SLC25A21: variants seen among roughly 807,000 people sequenced by gnomAD.
The protein encoded by SLC25A21 is solute carrier family 25 member 21.
In SLC25A21, 47 loss-of-function variants were observed where a neutral mutation model predicts 43.8. The ratio of observed to expected loss-of-function variants is 1.07; its 90% CI spans 0.85 to 1.37. The LOEUF (loss-of-function observed/expected upper bound fraction) is 1.37. Among genes scored for constraint, SLC25A21 ranks in the 40% most tolerant of loss-of-function variants. SLC25A21 has a pLI of 0.00. For synonymous variants in SLC25A21, 131 were observed against 121.3 expected, an observed-to-expected ratio of 1.08 and a Z score of -0.52; for missense variants, 352 against 350.2, an observed-to-expected ratio of 1.00 and a Z score of -0.04.
chr14:36,983,108 G>T (rs1307689936), intron 1 of SLC25A21, among the ~76,000 whole-genome samples: 1 of 152,070 alleles, frequency 6.6e-6, no homozygotes, highest in East Asian at 1.9e-4. Flanking sequence ...TTTTTAAAAA[G>T]AAAAGTTACT....
chr14:36,949,285 C>T (rs568877132), intron 1 of SLC25A21, among the ~76,000 whole-genome samples: 57 of 152,192 alleles, frequency 3.7e-4, no homozygotes, highest in Non-Finnish European at 7.3e-4. Flanking sequence ...ATGTAATCAT[C>T]TTCATTCTCC....
chr14:37,019,713 T>C (rs1273773998), intron 1 of SLC25A21, among the ~76,000 whole-genome samples: 1 of 151,732 alleles, frequency 6.6e-6, no homozygotes, highest in Non-Finnish European at 1.5e-5. Context: ...CGAGAGGTAT[T>C]TGGGGCCTAA....
intron 1 of SLC25A21, among the ~76,000 whole-genome samples, chr14:37,018,975 A>AGTTTGAAC (rs966047025): frequency 6.6e-6 from 1 of 152,018 alleles, no homozygotes; most frequent in Admixed American, 6.6e-5. Context: ...CAGGATCTAC[A>AGTTTGAAC]GTTTGAACGT....
At chr14:37,120,938 G>T (rs569514486) in intron 1 of SLC25A21, among the ~76,000 whole-genome samples, 2 of 152,332 alleles carry the variant, frequency 1.3e-5, no homozygotes, top group East Asian at 3.9e-4. Flanking sequence ...AATTGAGAGA[G>T]CTGTTGTGGA....
At chr14:37,077,160 G>A (rs990788459) in intron 1 of SLC25A21, among the ~76,000 whole-genome samples, 1 of 152,076 alleles carries the variant, frequency 6.6e-6, no homozygotes, top group Non-Finnish European at 1.5e-5. Context: ...CTTGCACCAC[G>A]CTGAGATATC....
intron 1 of SLC25A21, among the ~76,000 whole-genome samples, chr14:37,142,185 A>G (rs894296897): frequency 3.3e-5 from 5 of 152,148 alleles, no homozygotes; most frequent in African/African-American, 1.2e-4. Flanking sequence ...CCTTATGGAG[A>G]AAGATTCTGT....
At chr14:36,813,359 C>T (rs564910865) in intron 3 of SLC25A21, among the ~76,000 whole-genome samples, 9 of 112,682 alleles carry the variant, frequency 8.0e-5, no homozygotes, top group East Asian at 4.2e-4. Context: ...ATTAATCGGA[C>T]GCATCAATTT....
At chr14:36,892,329 G>C (rs901228001) in intron 1 of SLC25A21, among the ~76,000 whole-genome samples, 1 of 152,104 alleles carries the variant, frequency 6.6e-6, no homozygotes, top group Non-Finnish European at 1.5e-5. Flanking sequence ...TTCATTCTGA[G>C]AGAGATATAT....
At chr14:36,690,123 C>G (rs997671691) in intron 7 of SLC25A21, among the ~76,000 whole-genome samples, 3 of 152,158 alleles carry the variant, frequency 2.0e-5, no homozygotes, top group Non-Finnish European at 2.9e-5. Context: ...TTGAGTGGGT[C>G]ATTGTGTACT....
At chr14:36,868,785 C>A (rs1259625310) in intron 2 of SLC25A21, among the ~76,000 whole-genome samples, 1 of 152,216 alleles carries the variant, frequency 6.6e-6, no homozygotes, top group African/African-American at 2.4e-5. Flanking sequence ...AAGGGGCTGA[C>A]CTCTGCAAGC....
chr14:36,880,318 T>C (rs2138565747), intron 1 of SLC25A21, among the ~76,000 whole-genome samples: 1 of 152,234 alleles, frequency 6.6e-6, no homozygotes, highest in African/African-American at 2.4e-5. Context: ...AAGACAGACA[T>C]AGTGGAGTTC....
chr14:36,827,871 A>T (rs1566653118), intron 2 of SLC25A21, among the ~76,000 whole-genome samples: 2 of 152,250 alleles, frequency 1.3e-5, no homozygotes. Flanking sequence ...ACAGTTGAAG[A>T]TACCACAGTT....
At chr14:36,785,958 G>A (rs1399693658) in intron 3 of SLC25A21, among the ~76,000 whole-genome samples, 1 of 152,324 alleles carries the variant, frequency 6.6e-6, no homozygotes, top group East Asian at 1.9e-4. Flanking sequence ...GCTTTGATAA[G>A]TGAAGCATTT....
intron 7 of SLC25A21, among the ~76,000 whole-genome samples, chr14:36,693,862 T>C (rs1882896833): frequency 6.6e-6 from 1 of 152,184 alleles, no homozygotes; most frequent in Non-Finnish European, 1.5e-5. Context: ...TAGGCTGGTC[T>C]TTAAATGAAT....
chr14:36,705,117 T>C (rs1883455106), intron 7 of SLC25A21, among the ~76,000 whole-genome samples: 1 of 152,118 alleles, frequency 6.6e-6, no homozygotes, highest in East Asian at 1.9e-4. Context: ...CTCTGCTCAC[T>C]GCAAGCTCCG....
At chr14:36,955,198 G>A (rs945190398) in intron 1 of SLC25A21, among the ~76,000 whole-genome samples, 3 of 152,064 alleles carry the variant, frequency 2.0e-5, no homozygotes, top group Non-Finnish European at 2.9e-5. Flanking sequence ...AACTAAAGAT[G>A]GACATGGTAA....
chr14:36,846,201 G>C (rs1049722949), intron 2 of SLC25A21, among the ~76,000 whole-genome samples: 1 of 152,090 alleles, frequency 6.6e-6, no homozygotes, highest in Non-Finnish European at 1.5e-5. Context: ...CTACTTTCTA[G>C]TTGAGAAAGA....
At chr14:37,140,182 T>G (rs1963547159) in intron 1 of SLC25A21, among the ~76,000 whole-genome samples, 1 of 152,190 alleles carries the variant, frequency 6.6e-6, no homozygotes, top group Non-Finnish European at 1.5e-5. Flanking sequence ...TTCTTTCTGC[T>G]TATATCCCGA....
intron 3 of SLC25A21, among the ~76,000 whole-genome samples, chr14:36,787,166 T>C (rs780043779): frequency 1.3e-5 from 2 of 152,126 alleles, no homozygotes; most frequent in Non-Finnish European, 2.9e-5. Context: ...ACTTTTGCAT[T>C]AGTTGGCAAG....
Sources: gnomAD v4.1 joint callset for allele counts (sites outside exome capture counted in the v4.1 genomes callset) on GRCh38, gnomAD v4.1.1 for gene constraint, MANE v1.5 for transcripts, NCBI Gene and HGNC (gene_info 2026-07-23, HGNC 2026-07-21) for gene names.